Variants in RORA observed in about 807,000 individuals in gnomAD.
RORA encodes the protein RAR related orphan receptor A, also known as nuclear receptor ROR-alpha.
In RORA, 7 loss-of-function variants were observed where a neutral mutation model predicts 69.5. The observed-to-expected ratio is 0.10, with a 90% CI of 0.06 to 0.19. RORA has a LOEUF of 0.19. Ranked by LOEUF, RORA falls within the 10% of genes least tolerant of loss-of-function variation. The probability of loss-of-function intolerance (pLI) is 1.00; values close to 1 mark genes in which losing one functional copy is unlikely to be tolerated. For missense variants in RORA, 457 were observed against 663.0 expected (o/e 0.69, Z 3.41); for synonymous variants, 261 against 240.8 (o/e 1.08, Z -0.78).
At chr15:60,561,092 T>G (rs2067540194) in intron 2 of RORA, among the ~76,000 whole-genome samples, 1 of 150,390 alleles carries the variant, frequency 6.6e-6, no homozygotes, top group African/African-American at 2.5e-5. Context: ...GTTTTTTTTT[T>G]TGTTTTTGAG....
At chr15:61,025,586 C>A (rs1290208439) in intron 1 of RORA, among the ~76,000 whole-genome samples, 1 of 152,152 alleles carries the variant, frequency 6.6e-6, no homozygotes, top group Admixed American at 6.5e-5. Context: ...ACACAGGACA[C>A]CTTGTGGACT....
At chr15:60,837,402 A>G (rs2073132140) in intron 1 of RORA, among the ~76,000 whole-genome samples, 2 of 152,228 alleles carry the variant, frequency 1.3e-5, no homozygotes, top group Admixed American at 6.5e-5. Flanking sequence ...GTGGGGCTTT[A>G]ATAATTACGA....
chr15:60,871,730 T>C (rs555699452), intron 1 of RORA, among the ~76,000 whole-genome samples: 2 of 152,336 alleles, frequency 1.3e-5, no homozygotes, highest in African/African-American at 4.8e-5. Context: ...AGCTTCCATA[T>C]ACCACAACCA....
At chr15:60,761,844 C>T (rs2071898823) in intron 1 of RORA, among the ~76,000 whole-genome samples, 1 of 152,074 alleles carries the variant, frequency 6.6e-6, no homozygotes, top group Non-Finnish European at 1.5e-5. Flanking sequence ...TTCAAATGTT[C>T]CTTAAAACCA....
At chr15:61,101,093 C>G (rs2078871997) in intron 1 of RORA, among the ~76,000 whole-genome samples, 1 of 152,206 alleles carries the variant, frequency 6.6e-6, no homozygotes, top group Non-Finnish European at 1.5e-5. Flanking sequence ...CAGTGACTAG[C>G]TGCTGAAATT....
intron 1 of RORA, among the ~76,000 whole-genome samples, chr15:60,881,519 C>A (rs2073680037): frequency 6.6e-6 from 1 of 152,216 alleles, no homozygotes; most frequent in South Asian, 2.1e-4. Flanking sequence ...AGAGCTGAGG[C>A]TCAAAGCACA....
chr15:60,647,425 T>TTGGAAGACCTTGGCAGATTCAGCCAGC (rs2070066695), intron 2 of RORA, among the ~76,000 whole-genome samples: 1 of 152,184 alleles, frequency 6.6e-6, no homozygotes, highest in Admixed American at 6.5e-5. Context: ...TTCTAAGTGC[T>TTGGAAGACCTTGGCAGATTCAGCCAGC]TGGAAGACCT....
At chr15:60,913,163 C>T (rs1349859963) in intron 1 of RORA, among the ~76,000 whole-genome samples, 5 of 152,164 alleles carry the variant, frequency 3.3e-5, no homozygotes, top group African/African-American at 1.2e-4. Flanking sequence ...CTTTCCCTGG[C>T]TTCTGAGTGA....
chr15:60,767,845 G>A (rs2072013602), intron 1 of RORA, among the ~76,000 whole-genome samples: 1 of 152,176 alleles, frequency 6.6e-6, no homozygotes, highest in Non-Finnish European at 1.5e-5. Context: ...GGCTCCTAGA[G>A]CCTCCATTTC....
chr15:61,180,143 C>CAAAAAAAAAAAAAAAAAA (rs71456351), intron 1 of RORA, among the ~76,000 whole-genome samples: 1 of 36,688 alleles, frequency 2.7e-5, no homozygotes, highest in African/African-American at 9.6e-5. Context: ...GACTCCATCT[C>CAAAAAAAAAAAAAAAAAA]AAAAAAAAAA....
chr15:60,707,334 T>TTTTC, intron 1 of RORA, among the ~76,000 whole-genome samples: 2 of 136,122 alleles, frequency 1.5e-5, no homozygotes, highest in South Asian at 5.0e-4. Context: ...TATTTCTTTA[T>TTTTC]TTTATTTATT....
intron 1 of RORA, among the ~76,000 whole-genome samples, chr15:60,768,611 T>C (rs2072024027): frequency 6.6e-6 from 1 of 152,182 alleles, no homozygotes; most frequent in Non-Finnish European, 1.5e-5. Context: ...CAAAAATCAA[T>C]ATGGAGCAGT....
intron 1 of RORA, 101 bp from the exon 2 acceptor site, chr15:60,678,787 A>T (rs1223235055): frequency 1.0e-6 from 1 of 988,394 alleles, no homozygotes; most frequent in East Asian, 2.4e-5. Context: ...TTTAGTTCAG[A>T]TGGGGAAGTG....
rs1051729787 is a variant in RORA, at chr15:60,496,948, A to G, written c.*507T>C. ...TTATAATGCTATTGTTGCTACTGCT[A>G]TGGACCCTTTTCATGCCATCCTGCG... On this transcript the variant is annotated 3_prime_UTR_variant, in exon 11 of 11. Coordinates refer to ENST00000335670, the MANE Select transcript of RORA (RefSeq NM_134261.3). This position sits in a 1 kb window ranked among gnomAD's most constrained non-coding sequence, Gnocchi z 4.5. The G allele has an allele frequency of 1.3e-5, 2 of 153,450 alleles. No homozygotes were observed. The highest frequency in any genetic ancestry group is 2.4e-5 in the African/African-American group (1 of 41,468). 9.5% of individuals were successfully genotyped at this position (153,450 alleles called of 1,614,324 possible).
rs1454458482 is a variant in RORA at position 60,495,249 on chromosome 15, G to T, written c.*2206C>A. Reference sequence around the variant, plus strand: ...GTATAAATACTACTGATCTTTAAAGGAACTATGCTTACTTAAATTAAAGAT... The same window carrying T: ...GTATAAATACTACTGATCTTTAAAGTAACTATGCTTACTTAAATTAAAGAT... On this transcript the variant is annotated 3_prime_UTR_variant, in exon 11 of 11. Coordinates refer to ENST00000335670, the MANE Select transcript of RORA (RefSeq NM_134261.3). 1 of 152,044 alleles carries T rather than the reference G, an allele frequency of 6.6e-6. No homozygotes were observed. Among genetic ancestry groups the T allele is most frequent in the African/African-American group, 2.4e-5 (1 of 41,378 alleles). The allele number at this position is 152,044 out of a possible 1,614,324, so 9.4% of individuals were successfully genotyped here. A position where few individuals can be genotyped will look rare whatever the true frequency, so the allele number is the denominator to read the frequency against.
chr15:60,502,142 A>T (rs939891022), intron 8 of RORA, among the ~76,000 whole-genome samples: 1 of 152,076 alleles, frequency 6.6e-6, no homozygotes, highest in Non-Finnish European at 1.5e-5. Flanking sequence ...CACCATGCCC[A>T]GCTAATTTTT....
chr15:60,723,087 T>A (rs775117045), intron 1 of RORA, among the ~76,000 whole-genome samples: 2 of 152,192 alleles, frequency 1.3e-5, no homozygotes, highest in African/African-American at 4.8e-5. Flanking sequence ...ACAGTTGAAC[T>A]TCACTTATTT....
intron 1 of RORA, among the ~76,000 whole-genome samples, chr15:60,946,503 G>C (rs943486896): frequency 3.9e-5 from 6 of 152,212 alleles, no homozygotes; most frequent in East Asian, 1.9e-4. Flanking sequence ...CTCCTAACCG[G>C]GAGTGATCTG....
At chr15:60,853,683 C>A (rs1345315962) in intron 1 of RORA, among the ~76,000 whole-genome samples, 1 of 152,184 alleles carries the variant, frequency 6.6e-6, no homozygotes, top group Non-Finnish European at 1.5e-5. Flanking sequence ...ATATTCCAAT[C>A]ATTGTGGCCC....
Sources: allele counts gnomAD v4.1 joint callset (sites outside exome capture counted in the v4.1 genomes callset), GRCh38; gene constraint gnomAD v4.1.1; non-coding constraint Gnocchi (gnomAD v3.1); transcripts MANE v1.5; gene names NCBI Gene and HGNC (gene_info 2026-07-23, HGNC 2026-07-21).